UBXN2B: variants seen among roughly 807,000 people sequenced by gnomAD.
The protein encoded by UBXN2B is UBX domain-containing protein 2B.
UBXN2B carries 19 observed loss-of-function variants against 37.5 expected under a neutral mutation model. The observed-to-expected ratio is 0.51, with a 90% CI of 0.35 to 0.74. UBXN2B has a LOEUF of 0.74. UBXN2B is among the 30% of genes least tolerant of loss of function. The pLI, the probability that UBXN2B is intolerant of heterozygous loss-of-function variation, is 0.01. For synonymous variants in UBXN2B, 145 were observed against 143.8 expected, an observed-to-expected ratio of 1.01 and a Z score of -0.06; for missense variants, 370 against 393.2, an observed-to-expected ratio of 0.94 and a Z score of 0.50.
Position 58,415,925 on chromosome 8 carries a change from GA to G in UBXN2B, c.85-923del. On this transcript the variant is annotated intron_variant, in intron 1 of 7. Coordinates refer to ENST00000399598, the MANE Select transcript of UBXN2B (RefSeq NM_001077619.2). Reference sequence around the variant, plus strand: ...AAAGTTGACTAATAGAATTTTCAAAGAATTAACATTGCCCCAATGCCCTGTT... The same window carrying G: ...AAAGTTGACTAATAGAATTTTCAAAGATTAACATTGCCCCAATGCCCTGTT... Among the ~76,000 whole-genome samples, 2 of 151,978 alleles carry G rather than the reference GA, an allele frequency of 1.3e-5. 1 individual carries two copies. Among genetic ancestry groups the G allele is most frequent in the Non-Finnish European group, 2.9e-5 (2 of 67,910 alleles).
chr8:58,445,845 G>T (rs1276585380), intron 6 of UBXN2B, 62 bp from the exon 7 acceptor site: 31 of 1,393,736 alleles, frequency 2.2e-5, no homozygotes, highest in African/African-American at 5.9e-5. Context: ...AGTGTTTATC[G>T]CTGTCTTCAG....
chr8:58,418,323 T>C lies in UBXN2B; in HGVS notation c.188+1370T>C, dbSNP rs148009005. Among the ~76,000 whole-genome samples the C allele has an allele frequency of 7.6e-3, 1,151 of 152,106 alleles. 4 individuals carry two copies. The highest frequency in any genetic ancestry group is 0.024 in the Middle Eastern group (7 of 294). On this transcript the variant is annotated intron_variant, in intron 2 of 7. Transcript: ENST00000399598. ...ATAGTTAGTAGTCACATATCTCTTA[T>C]AGCTTTTTCTTTGGATTTAGGATTC...
At chr8:58,417,080 G>T in intron 2 of UBXN2B, 127 bp downstream of exon 2, 1 of 674,842 alleles carries the variant, frequency 1.5e-6, no homozygotes, top group Non-Finnish European at 2.3e-6. Flanking sequence ...ATTATTCCAA[G>T]ATCGAGGCAG....
At chr8:58,446,211 A>G in intron 7 of UBXN2B, 143 bp downstream of exon 7, 3 of 859,930 alleles carry the variant, frequency 3.5e-6, no homozygotes, top group Non-Finnish European at 4.9e-6. Flanking sequence ...CAGAAGAAAC[A>G]TTTTTAAAAG....
At position 58,429,036 on chromosome 8, in the gene UBXN2B, T is replaced by TA. The variant is rs1489894571; in HGVS notation, c.189-1482dup. On this transcript the variant is annotated intron_variant, in intron 2 of 7. Coordinates refer to ENST00000399598, the MANE Select transcript of UBXN2B (RefSeq NM_001077619.2). ...AGAAAATAGAATATCTTTATGACCT[T>TA]AGAGTAGGCAAAGATTTCAAATAAT... Among the ~76,000 whole-genome samples, 8 of 152,312 alleles carry TA rather than the reference T, an allele frequency of 5.3e-5. No individual in the cohort carries two copies. The Middle Eastern group carries it at 0.017, about 324-fold the overall frequency.
intron 6 of UBXN2B, among the ~76,000 whole-genome samples, chr8:58,444,495 A>G (rs1808622950): frequency 6.6e-6 from 1 of 152,208 alleles, no homozygotes. Context: ...GGCTGATGTA[A>G]ATGAAATAAT....
rs1808772822 is a variant in UBXN2B at position 58,450,164 on chromosome 8, G to C, written c.*2613G>C. On this transcript the variant is annotated 3_prime_UTR_variant, in exon 8 of 8. Transcript: ENST00000399598. ...AAGGCTGTCCTGACGGTGAATCTTA[G>C]TTTTAGTGGCTTTTGCCATTTGAAT... 1 of 152,196 alleles carries C rather than the reference G, an allele frequency of 6.6e-6. No homozygotes were observed. The highest frequency in any genetic ancestry group is 1.5e-5 in the Non-Finnish European group (1 of 68,016). 9.4% of individuals were successfully genotyped at this position (152,196 alleles called of 1,614,324 possible).
intron 5 of UBXN2B, 144 bp from the exon 6 acceptor site, chr8:58,439,489 A>C (rs1055560220): frequency 1.1e-6 from 1 of 918,044 alleles, no homozygotes; most frequent in Non-Finnish European, 1.6e-6. Flanking sequence ...AGGACTGATC[A>C]GTCATTATGG....
intron 1 of UBXN2B, 123 bp downstream of exon 1, chr8:58,411,592 T>G: frequency 1.2e-6 from 1 of 804,650 alleles, no homozygotes; most frequent in Non-Finnish European, 1.7e-6. Flanking sequence ...CGTCTGGGGA[T>G]AGAATCCGGC....
intron 6 of UBXN2B, among the ~76,000 whole-genome samples, chr8:58,441,246 G>A: frequency 6.6e-6 from 1 of 150,976 alleles, no homozygotes. Flanking sequence ...CTTCTGCCTT[G>A]GCCTGCCAAA....
At chr8:58,426,802 C>CA in intron 2 of UBXN2B, 1 of 597,346 alleles carries the variant, frequency 1.7e-6, no homozygotes, top group South Asian at 1.5e-5. Context: ...GGGGCGGAGC[C>CA]AGCCGACTGT....
In UBXN2B at chr8:58,447,609, G is replaced by T; in HGVS notation, c.*58G>T. On this transcript the variant is annotated 3_prime_UTR_variant, in exon 8 of 8. Coordinates refer to ENST00000399598, the MANE Select transcript of UBXN2B (RefSeq NM_001077619.2). ...ATAGATGATGTGCCGTATTAATAAG[G>T]ACAATACTTCAGCATTAAAAACAGC... 1 of 1,418,688 alleles carries T rather than the reference G, an allele frequency of 7.0e-7. No homozygotes were observed. The allele number at this position is 1,418,688 out of a possible 1,614,324, so 87.9% of individuals were successfully genotyped here.
chr8:58,425,591 G>T (rs1808061925), intron 2 of UBXN2B: 1 of 1,053,280 alleles, frequency 9.5e-7, no homozygotes. Flanking sequence ...CCGTAGAGAA[G>T]TATGCACTCC....
chr8:58,426,045 C>T, intron 2 of UBXN2B: 3 of 1,384,478 alleles, frequency 2.2e-6, no homozygotes, highest in South Asian at 1.2e-5. Context: ...CTTTCAGAGG[C>T]AGGATCTGCA....
chr8:58,420,266 C>T lies in UBXN2B; in HGVS notation c.188+3313C>T, dbSNP rs559375334. On this transcript the variant is annotated intron_variant, in intron 2 of 7. Transcript: ENST00000399598. ...AGCTTTGCAACTAGCAAAGCAGTTG[C>T]GCTAACACCCATAAATATAGGTGGG... Among the ~76,000 whole-genome samples, 359 of 152,180 alleles carry T rather than the reference C, an allele frequency of 2.4e-3. 2 individuals are homozygous for T. The highest frequency in any genetic ancestry group is 8.1e-3 in the African/African-American group (337 of 41,536).
At chr8:58,419,591 T>C (rs1334219800) in intron 2 of UBXN2B, among the ~76,000 whole-genome samples, 1 of 152,228 alleles carries the variant, frequency 6.6e-6, no homozygotes, top group Non-Finnish European at 1.5e-5. Flanking sequence ...AGTCATTGTA[T>C]AGTAGTATTG....
intron 2 of UBXN2B, among the ~76,000 whole-genome samples, chr8:58,429,304 C>T (rs75963467): frequency 0.021 from 3,190 of 152,190 alleles, 66 homozygotes; most frequent in East Asian, 0.11. Flanking sequence ...TGTTTGTCGT[C>T]GCTCCCTAAA....
Position 58,449,226 on chromosome 8 carries a change from C to A in UBXN2B, c.*1675C>A, listed in dbSNP as rs2129604810. 1 of 152,314 alleles carries A rather than the reference C, an allele frequency of 6.6e-6. No individual in the cohort carries two copies. The highest frequency in any genetic ancestry group is 1.9e-4 in the East Asian group (1 of 5,190). The allele number at this position is 152,314 out of a possible 1,614,324, so 9.4% of individuals were successfully genotyped here. A position where few individuals can be genotyped will look rare whatever the true frequency, so the allele number is the denominator to read the frequency against. ...ACATCTGCAAAATCTCTTTTACCAT[C>A]TAAGGTTACATACAGGTTTGGAGAT... On this transcript the variant is annotated 3_prime_UTR_variant, in exon 8 of 8. Transcript: ENST00000399598.
chr8:58,442,057 C>T (rs150558477), intron 6 of UBXN2B, among the ~76,000 whole-genome samples: 3 of 152,234 alleles, frequency 2.0e-5, no homozygotes, highest in East Asian at 1.9e-4. Flanking sequence ...ATTCCATCAT[C>T]GAAGAAATAA....
Sources: gnomAD v4.1 joint callset for allele counts (sites outside exome capture counted in the v4.1 genomes callset) on GRCh38, gnomAD v4.1.1 for gene constraint, MANE v1.5 for transcripts, NCBI Gene and HGNC (gene_info 2026-07-23, HGNC 2026-07-21) for gene names.